Variants in ZNF100 observed in about 807,000 individuals in gnomAD.
The protein encoded by ZNF100 is zinc finger protein 100 (Y1).
In ZNF100, 12 loss-of-function variants were observed where a neutral mutation model predicts 15.8. The observed-to-expected ratio is 0.76, with a 90% CI of 0.49 to 1.23. The LOEUF (loss-of-function observed/expected upper bound fraction) is 1.23, where lower values mean the gene tolerates loss of function less well. Among genes scored for constraint, ZNF100 ranks in the 50% most tolerant of loss-of-function variants. The pLI, the probability that ZNF100 is intolerant of heterozygous loss-of-function variation, is 0.00. For synonymous variants in ZNF100, 226 were observed against 214.8 expected, an observed-to-expected ratio of 1.05 and a Z score of -0.45; for missense variants, 670 against 635.6, an observed-to-expected ratio of 1.05 and a Z score of -0.58.
Position 21,723,505 on chromosome 19 carries a change from TGG to T in ZNF100, c.*3176_*3177del, listed in dbSNP as rs2035719234. 6.6e-6 allele frequency: 1 copy of T among 152,062 alleles called. No individual in the cohort carries two copies. Among genetic ancestry groups the T allele is most frequent in the African/African-American group, 2.4e-5 (1 of 41,388 alleles). 9.4% of individuals were successfully genotyped at this position (152,062 alleles called of 1,614,324 possible). A position where few individuals can be genotyped will look rare whatever the true frequency, so the allele number is the denominator to read the frequency against. ...AGATGGGCTGTGCTGCATACATAGC[TGG>T]GGATACACATAATAAATACAGAGAA... is the stretch of plus-strand genomic sequence containing the variant. On this transcript the variant is annotated 3_prime_UTR_variant, in exon 5 of 5. Coordinates refer to ENST00000358296, the MANE Select transcript of ZNF100 (RefSeq NM_173531.4).
chr19:21,734,041 AC>A (rs1474468719), intron 4 of ZNF100, among the ~76,000 whole-genome samples: 2 of 152,192 alleles, frequency 1.3e-5, no homozygotes, highest in Admixed American at 6.5e-5. Flanking sequence ...AAATGTCCCC[AC>A]AAAAACCCCA....
chr19:21,767,034 T>C (rs1454011857), intron 1 of ZNF100, among the ~76,000 whole-genome samples: 3 of 152,082 alleles, frequency 2.0e-5, no homozygotes, highest in Admixed American at 6.6e-5. Flanking sequence ...GTGACTCCCA[T>C]ACATTTTTAA....
chr19:21,726,901 G>A lies in ZNF100; in HGVS notation c.1411C>T (p.Gln471Ter). The A allele has an allele frequency of 6.2e-7, 1 of 1,607,486 alleles. No homozygotes were observed. The highest frequency in any genetic ancestry group is 1.1e-5 in the South Asian group (1 of 90,014). Residue 471 changes from glutamine (Q) to a stop codon, truncating the protein, a stop_gained, in exon 5 of 5, where the codon CAA becomes TAA. Transcript: ENST00000358296. LOFTEE classifies it low-confidence loss of function (END_TRUNC). ...TGAATCATCTTATGTGCAGTTAGTT[G>A]TGAGGACCGGTTAAAGGCTTTGCCA... Reference protein sequence around the residue: ...ECGKAFNRSSQLTAHKMIHTG... With the variant: ...ECGKAFNRSS
At chr19:21,748,004 T>C (rs1033472781) in intron 2 of ZNF100, among the ~76,000 whole-genome samples, 2 of 152,122 alleles carry the variant, frequency 1.3e-5, no homozygotes, top group African/African-American at 4.8e-5. Context: ...TAAGGCTAAA[T>C]ATAGACAGAG....
intron 2 of ZNF100, among the ~76,000 whole-genome samples, chr19:21,746,470 T>C (rs1167443101): frequency 6.6e-6 from 1 of 152,306 alleles, no homozygotes; most frequent in African/African-American, 2.4e-5. Flanking sequence ...AACCTCAACA[T>C]TACATATTCT....
chr19:21,729,660 AC>A (rs1357920449), intron 4 of ZNF100, among the ~76,000 whole-genome samples: 1 of 152,138 alleles, frequency 6.6e-6, no homozygotes, highest in Non-Finnish European at 1.5e-5. Context: ...GCACATATAT[AC>A]TTTTACTTCT....
chr19:21,762,948 G>A (rs1436004802), intron 2 of ZNF100, among the ~76,000 whole-genome samples: 1 of 152,148 alleles, frequency 6.6e-6, no homozygotes, highest in Non-Finnish European at 1.5e-5. Flanking sequence ...AGATGGTGAT[G>A]AGTGTGACCT....
chr19:21,767,288 A>C (rs2145755306), intron 1 of ZNF100, 139 bp downstream of exon 1: 40 of 1,446,778 alleles, frequency 2.8e-5, no homozygotes, highest in Middle Eastern at 1.8e-4. Context: ...TTATGGCCGA[A>C]GGGGACGGAG....
At chr19:21,754,147 C>A (rs1244714342) in intron 2 of ZNF100, among the ~76,000 whole-genome samples, 1 of 151,782 alleles carries the variant, frequency 6.6e-6, no homozygotes, top group Non-Finnish European at 1.5e-5. Context: ...CAATATTTCA[C>A]ATCATATTGT....
intron 2 of ZNF100, among the ~76,000 whole-genome samples, chr19:21,764,697 T>C (rs1243643900): frequency 6.6e-6 from 1 of 152,076 alleles, no homozygotes; most frequent in Non-Finnish European, 1.5e-5. Flanking sequence ...ACGTATTACT[T>C]TATTAATTCC....
intron 2 of ZNF100, among the ~76,000 whole-genome samples, chr19:21,755,844 A>C (rs918319890): frequency 3.3e-5 from 5 of 152,204 alleles, no homozygotes; most frequent in Non-Finnish European, 7.3e-5. Flanking sequence ...AGAAAACAAA[A>C]CATTGCATGT....
chr19:21,762,597 C>T (rs760851905), intron 2 of ZNF100, among the ~76,000 whole-genome samples: 20 of 152,156 alleles, frequency 1.3e-4, no homozygotes, highest in South Asian at 4.1e-4. Flanking sequence ...ATACAAAAGA[C>T]GCTAATAGGC....
At chr19:21,753,571 A>C (rs1315474650) in intron 2 of ZNF100, 4 of 152,146 alleles carry the variant, frequency 2.6e-5, no homozygotes, top group African/African-American at 9.7e-5. Context: ...CGACATCCAG[A>C]CCCTATCTCA....
intron 4 of ZNF100, among the ~76,000 whole-genome samples, chr19:21,736,884 CAGCTAAAGTAGTGTTA>C (rs2036016397): frequency 6.6e-6 from 1 of 152,078 alleles, no homozygotes. Context: ...CTCTGGAATG[CAGCTAAAGTAGTGTTA>C]AGGGGGAAAA....
At chr19:21,734,468 T>C (rs2035974490) in intron 4 of ZNF100, among the ~76,000 whole-genome samples, 1 of 151,986 alleles carries the variant, frequency 6.6e-6, no homozygotes, top group Non-Finnish European at 1.5e-5. Flanking sequence ...TTTCAGAGCT[T>C]GAAGACTATC....
At chr19:21,751,631 A>G in intron 2 of ZNF100, 1 of 1,525,710 alleles carries the variant, frequency 6.6e-7, no homozygotes, top group African/African-American at 1.4e-5. Flanking sequence ...CCTCAAGGAC[A>G]TTACAGTTGA....
At chr19:21,736,112 G>T (rs1009503086) in intron 4 of ZNF100, among the ~76,000 whole-genome samples, 2 of 150,930 alleles carry the variant, frequency 1.3e-5, no homozygotes, top group African/African-American at 2.4e-5. Context: ...TTTTGAGATG[G>T]AATCTCACTC....
chr19:21,730,659 CAG>C (rs1230302314), intron 4 of ZNF100, among the ~76,000 whole-genome samples: 2 of 145,642 alleles, frequency 1.4e-5, no homozygotes, highest in African/African-American at 2.5e-5. Context: ...TTATTTCTAA[CAG>C]AGGTATAGAG....
At chr19:21,767,145 C>T (rs984602332) in intron 1 of ZNF100, among the ~76,000 whole-genome samples, 11 of 152,340 alleles carry the variant, frequency 7.2e-5, no homozygotes, top group East Asian at 3.9e-4. Flanking sequence ...CTCCCGTGGT[C>T]CCTGCACAAT....
Sources: allele counts gnomAD v4.1 joint callset (sites outside exome capture counted in the v4.1 genomes callset), GRCh38; gene constraint gnomAD v4.1.1; transcripts MANE v1.5; gene names NCBI Gene and HGNC (gene_info 2026-07-23, HGNC 2026-07-21).